CPQ: variants seen among roughly 807,000 people sequenced by gnomAD.
CPQ encodes the protein carboxypeptidase Q.
CPQ carries 37 observed loss-of-function variants against 45.7 expected under a neutral mutation model. That is an observed-to-expected ratio of 0.81 (90% CI 0.62 to 1.07). The LOEUF is 1.07. Among genes scored for constraint, CPQ ranks in the 50% least tolerant of loss-of-function variants. The probability of loss-of-function intolerance (pLI) is 0.00; values close to 1 mark genes in which losing one functional copy is unlikely to be tolerated. For missense variants in CPQ, 537 were observed against 572.9 expected (o/e 0.94, Z 0.64); for synonymous variants, 186 against 205.8 (o/e 0.90, Z 0.82).
chr8:96,958,361 C>T (rs1049644155), intron 4 of CPQ, among the ~76,000 whole-genome samples: 1 of 152,140 alleles, frequency 6.6e-6, no homozygotes, highest in Non-Finnish European at 1.5e-5. Flanking sequence ...TTCAGCTCTT[C>T]TACTCTTCCT....
At chr8:96,731,296 T>C (rs1809910944) in intron 1 of CPQ, among the ~76,000 whole-genome samples, 2 of 152,118 alleles carry the variant, frequency 1.3e-5, no homozygotes, top group South Asian at 4.1e-4. Flanking sequence ...AAGACTAAAG[T>C]TGGATATATG....
At chr8:96,684,416 C>A (rs1398413296) in intron 1 of CPQ, among the ~76,000 whole-genome samples, 2 of 152,094 alleles carry the variant, frequency 1.3e-5, no homozygotes, top group Non-Finnish European at 2.9e-5. Flanking sequence ...CCTTGGGTAC[C>A]AGTGGTGTTG....
At chr8:97,075,476 C>T (rs974734750) in intron 7 of CPQ, among the ~76,000 whole-genome samples, 11 of 152,174 alleles carry the variant, frequency 7.2e-5, no homozygotes, top group African/African-American at 2.4e-4. Context: ...GATATGGACC[C>T]TTCTCTCCTG....
At chr8:97,132,767 G>A (rs541067213) in intron 7 of CPQ, 2 of 152,310 alleles carry the variant, frequency 1.3e-5, no homozygotes, top group African/African-American at 4.8e-5. Flanking sequence ...TTTCCTCAGT[G>A]AGCATCATTC....
At chr8:96,688,158 C>A (rs1451715864) in intron 1 of CPQ, among the ~76,000 whole-genome samples, 2 of 152,062 alleles carry the variant, frequency 1.3e-5, no homozygotes, top group African/African-American at 4.8e-5. Flanking sequence ...ATTTAATCTA[C>A]ATTTTGTATT....
At chr8:96,957,328 C>T (rs1011096531) in intron 4 of CPQ, among the ~76,000 whole-genome samples, 1 of 152,088 alleles carries the variant, frequency 6.6e-6, no homozygotes, top group African/African-American at 2.4e-5. Flanking sequence ...TTCAAAGCTA[C>T]ATAGGGTTCT....
intron 7 of CPQ, among the ~76,000 whole-genome samples, chr8:97,134,357 C>G (rs1038960435): frequency 6.6e-6 from 1 of 152,162 alleles, no homozygotes; most frequent in African/African-American, 2.4e-5. Context: ...AAAGAAGCAG[C>G]AGCATGAAGG....
In CPQ at chr8:96,749,831, CT is replaced by C. The variant is rs754892994; in HGVS notation, c.-34-35026del. Among the ~76,000 whole-genome samples the C allele has an allele frequency of 3.3e-5, 5 of 152,188 alleles. No individual in the cohort carries two copies. The Middle Eastern group carries it at 0.014, about 414-fold the overall frequency. ...ATTAAAAATGTTAAAGGTGTTTATA[CT>C]TTTTTTCCCACCAATTCTACTTCTA... On this transcript the variant is annotated intron_variant, in intron 1 of 7. Coordinates refer to ENST00000220763, the MANE Select transcript of CPQ (RefSeq NM_016134.4).
At chr8:96,823,058 G>A (rs1041463245) in intron 2 of CPQ, among the ~76,000 whole-genome samples, 2 of 152,030 alleles carry the variant, frequency 1.3e-5, no homozygotes, top group Non-Finnish European at 2.9e-5. Context: ...AGCCTACCTC[G>A]TCATCCAGGA....
At chr8:96,804,015 G>A (rs1412346242) in intron 2 of CPQ, among the ~76,000 whole-genome samples, 1 of 152,170 alleles carries the variant, frequency 6.6e-6, no homozygotes, top group African/African-American at 2.4e-5. Flanking sequence ...AGAAGAGGAG[G>A]AGTGATAATT....
At chr8:96,941,179 GTGCTGCTGCTGC>G (rs951290332) in intron 4 of CPQ, among the ~76,000 whole-genome samples, 6 of 151,956 alleles carry the variant, frequency 3.9e-5, no homozygotes, top group African/African-American at 1.2e-4. Flanking sequence ...GAGTGCCCTG[GTGCTGCTGCTGC>G]TGCTGCTGCT....
At chr8:96,701,241 T>C (rs999324694) in intron 1 of CPQ, among the ~76,000 whole-genome samples, 2 of 152,112 alleles carry the variant, frequency 1.3e-5, no homozygotes, top group African/African-American at 2.4e-5. Context: ...AACTGTGAAA[T>C]GGGGATAGGC....
intron 6 of CPQ, among the ~76,000 whole-genome samples, chr8:97,040,456 T>C (rs1360094822): frequency 6.6e-6 from 1 of 152,036 alleles, no homozygotes. Context: ...TGATGGTAGT[T>C]TCTTTTGCTG....
At chr8:96,721,525 C>T (rs1020308300) in intron 1 of CPQ, among the ~76,000 whole-genome samples, 1 of 152,086 alleles carries the variant, frequency 6.6e-6, no homozygotes, top group Admixed American at 6.5e-5. Flanking sequence ...TTCTCATCTG[C>T]ACCTAGTACA....
intron 2 of CPQ, among the ~76,000 whole-genome samples, chr8:96,827,158 A>T (rs547116713): frequency 7.2e-5 from 11 of 152,230 alleles, no homozygotes; most frequent in Admixed American, 1.3e-4. Flanking sequence ...ATCGCAGTTT[A>T]CAAGGCAATG....
At chr8:96,887,130 C>A (rs184073310) in intron 4 of CPQ, among the ~76,000 whole-genome samples, 1 of 152,236 alleles carries the variant, frequency 6.6e-6, no homozygotes, top group East Asian at 1.9e-4. Flanking sequence ...CACCCCTTCA[C>A]CAATCAGCTA....
chr8:96,647,384 C>T (rs565533034), intron 1 of CPQ, among the ~76,000 whole-genome samples: 2 of 152,278 alleles, frequency 1.3e-5, no homozygotes, highest in South Asian at 4.1e-4. Context: ...ATTTATGGGG[C>T]ACTGACCATA....
intron 4 of CPQ, among the ~76,000 whole-genome samples, chr8:96,900,597 C>G (rs943210263): frequency 6.6e-6 from 1 of 152,098 alleles, no homozygotes; most frequent in African/African-American, 2.4e-5. Flanking sequence ...GTAGCCATAA[C>G]AAATGGAACT....
At chr8:96,962,821 G>A (rs79817704) in intron 4 of CPQ, among the ~76,000 whole-genome samples, 4,243 of 152,116 alleles carry the variant, frequency 0.028, 133 homozygotes, top group African/African-American at 0.08. Flanking sequence ...TGAATTAGAA[G>A]TATCTTTTTG....
Sources: gnomAD v4.1 joint callset for allele counts (sites outside exome capture counted in the v4.1 genomes callset) on GRCh38, gnomAD v4.1.1 for gene constraint, MANE v1.5 for transcripts, NCBI Gene and HGNC (gene_info 2026-07-23, HGNC 2026-07-21) for gene names.